The following AKAP19 variants were observed in gnomAD, a reference collection of about 807,000 sequenced individuals.
The protein encoded by AKAP19 is small A-kinase anchoring protein.
the AKAP19 span, among the ~76,000 whole-genome samples, chr2:190,030,838 A>G: frequency 6.6e-6 from 1 of 152,194 alleles, no homozygotes; most frequent in African/African-American, 2.4e-5. Flanking sequence ...GATCTTACCC[A>G]TCATATAGGC....
the AKAP19 span, among the ~76,000 whole-genome samples, chr2:190,179,889 T>G: frequency 6.6e-6 from 1 of 152,244 alleles, no homozygotes; most frequent in Non-Finnish European, 1.5e-5. This position sits in a 1 kb window ranked among gnomAD's most constrained non-coding sequence, Gnocchi z 6.0. Flanking sequence ...ATGGTTCTTT[T>G]GTAGTTCTCT....
At chr2:190,200,756 C>G in the AKAP19 span, 2 of 167,934 alleles carry the variant, frequency 1.2e-5, no homozygotes, top group Non-Finnish European at 2.9e-5. Context: ...TACTGGACGA[C>G]TCAGACTTTG....
chr2:190,012,180 A>G, the AKAP19 span, among the ~76,000 whole-genome samples: 26 of 152,156 alleles, frequency 1.7e-4, no homozygotes, highest in African/African-American at 6.0e-4. Flanking sequence ...GCTGGAGTGC[A>G]GTGGCACAAT....
the AKAP19 span, among the ~76,000 whole-genome samples, chr2:190,005,464 C>T: frequency 6.6e-6 from 1 of 152,186 alleles, no homozygotes; most frequent in Non-Finnish European, 1.5e-5. Context: ...TCCAAGTCCC[C>T]ACTGGACCCA....
the AKAP19 span, among the ~76,000 whole-genome samples, chr2:190,028,501 A>G: frequency 2.0e-5 from 3 of 152,116 alleles, no homozygotes; most frequent in African/African-American, 4.8e-5. Context: ...AGATCTTTGC[A>G]TTTTATATCT....
chr2:190,185,653 G>GT, the AKAP19 span, among the ~76,000 whole-genome samples: 1 of 152,132 alleles, frequency 6.6e-6, no homozygotes, highest in Non-Finnish European at 1.5e-5. Context: ...TATGTGTGTG[G>GT]TTTTTTTCCT....
At chr2:190,002,739 T>C in the AKAP19 span, among the ~76,000 whole-genome samples, 1 of 152,104 alleles carries the variant, frequency 6.6e-6, no homozygotes, top group South Asian at 2.1e-4. Context: ...GGACCGTCAG[T>C]TGGTCTATTT....
the AKAP19 span, among the ~76,000 whole-genome samples, chr2:190,072,182 C>G: frequency 2.0e-5 from 3 of 152,252 alleles, no homozygotes; most frequent in Middle Eastern, 3.4e-3. Context: ...ACTGCATGTT[C>G]TTACTTATAA....
chr2:189,945,624 A>C, the AKAP19 span, among the ~76,000 whole-genome samples: 48 of 152,348 alleles, frequency 3.2e-4, no homozygotes, highest in African/African-American at 1.1e-3. Context: ...CAATAGAATG[A>C]ATTTTTTAAA....
chr2:190,095,015 G>A, the AKAP19 span, among the ~76,000 whole-genome samples: 1 of 152,172 alleles, frequency 6.6e-6, no homozygotes, highest in African/African-American at 2.4e-5. Flanking sequence ...ATGAGGTCAG[G>A]AGTTCGAGAC....
chr2:190,135,059 A>G, the AKAP19 span, among the ~76,000 whole-genome samples: 1 of 152,212 alleles, frequency 6.6e-6, no homozygotes, highest in Non-Finnish European at 1.5e-5. Context: ...CACTTTAATA[A>G]TCAAAAACAT....
the AKAP19 span, among the ~76,000 whole-genome samples, chr2:189,883,404 A>C: frequency 6.6e-6 from 1 of 152,118 alleles, no homozygotes; most frequent in African/African-American, 2.4e-5. Context: ...CAACCTGACT[A>C]TGCTGTTATA....
At chr2:190,140,741 T>C in the AKAP19 span, among the ~76,000 whole-genome samples, 138,735 of 152,246 alleles carry the variant, frequency 0.91, 64,128 homozygotes, top group East Asian at 1. Flanking sequence ...TGAAGGTCTC[T>C]GACATAGCCT....
chr2:190,163,456 A>C, the AKAP19 span, among the ~76,000 whole-genome samples: 31 of 81,382 alleles, frequency 3.8e-4, no homozygotes, highest in East Asian at 7.8e-3. Context: ...AACAAAAAAC[A>C]AAAAAAAAAA....
the AKAP19 span, among the ~76,000 whole-genome samples, chr2:190,147,189 T>C: frequency 1.3e-5 from 2 of 152,218 alleles, no homozygotes; most frequent in Admixed American, 1.3e-4. Context: ...AGGTGAGAGA[T>C]GACAATCCAG....
chr2:190,138,572 C>A, the AKAP19 span, among the ~76,000 whole-genome samples: 2 of 152,194 alleles, frequency 1.3e-5, no homozygotes, highest in Non-Finnish European at 2.9e-5. Flanking sequence ...CATCCACTCT[C>A]CTTGCTCATT....
At chr2:190,201,338 G>A in the AKAP19 span, 2 of 166,784 alleles carry the variant, frequency 1.2e-5, no homozygotes, top group African/African-American at 4.8e-5. Flanking sequence ...AATTTGGGAG[G>A]GAGAAGAAGA....
the AKAP19 span, among the ~76,000 whole-genome samples, chr2:189,971,483 C>T: frequency 6.6e-6 from 1 of 152,134 alleles, no homozygotes. Context: ...ATTTATAATC[C>T]TTTGGGTATA....
the AKAP19 span, chr2:189,924,062 G>A: frequency 2.0e-6 from 3 of 1,533,158 alleles, no homozygotes; most frequent in South Asian, 2.2e-5. Flanking sequence ...GTCTGAGGGG[G>A]GTGCAGATGA....
Sources: allele counts gnomAD v4.1 joint callset (sites outside exome capture counted in the v4.1 genomes callset), GRCh38; gene constraint gnomAD v4.1.1; non-coding constraint Gnocchi (gnomAD v3.1); transcripts MANE v1.5; gene names NCBI Gene and HGNC (gene_info 2026-07-23, HGNC 2026-07-21).